Variants in AGTR1 observed in about 807,000 individuals in gnomAD.
AGTR1 encodes the protein type-1 angiotensin II receptor.
Under a neutral mutation model 19.4 loss-of-function variants are expected in AGTR1, and 16 were observed. The ratio of observed to expected loss-of-function variants is 0.82; its 90% CI spans 0.56 to 1.25. The LOEUF (loss-of-function observed/expected upper bound fraction) is 1.25. Among genes scored for constraint, AGTR1 ranks in the 50% most tolerant of loss-of-function variants. The pLI is 0.00. For missense variants in AGTR1, 373 were observed against 431.9 expected (o/e 0.86, Z 1.21); for synonymous variants, 153 against 154.9 (o/e 0.99, Z 0.09).
chr3:148,709,123 T>C (rs1249889614), intron 2 of AGTR1, among the ~76,000 whole-genome samples: 1 of 151,960 alleles, frequency 6.6e-6, no homozygotes, highest in Non-Finnish European at 1.5e-5. Flanking sequence ...AGGTTTTTTT[T>C]CTGATTTTGT....
intron 2 of AGTR1, among the ~76,000 whole-genome samples, chr3:148,727,069 T>C (rs980125259): frequency 3.2e-4 from 48 of 152,336 alleles, no homozygotes; most frequent in African/African-American, 1.1e-3. Context: ...CAAAGCTTTT[T>C]CCCAGAATTG....
At chr3:148,722,585 C>T (rs1407321146) in intron 2 of AGTR1, among the ~76,000 whole-genome samples, 1 of 152,118 alleles carries the variant, frequency 6.6e-6, no homozygotes, top group African/African-American at 2.4e-5. Flanking sequence ...TTTCTCATCT[C>T]ACTCTGGTCC....
At chr3:148,712,843 C>T (rs1003297779) in intron 2 of AGTR1, among the ~76,000 whole-genome samples, 3 of 152,078 alleles carry the variant, frequency 2.0e-5, no homozygotes, top group Non-Finnish European at 2.9e-5. Context: ...CTTCCTTTCA[C>T]TTACAGAATG....
intron 1 of AGTR1, among the ~76,000 whole-genome samples, chr3:148,706,111 G>C (rs1712653583): frequency 2.6e-5 from 4 of 151,468 alleles, no homozygotes; most frequent in Admixed American, 2.6e-4. Flanking sequence ...ATTTGTCTTG[G>C]AATTTCTATT....
intron 2 of AGTR1, among the ~76,000 whole-genome samples, chr3:148,725,904 A>T (rs554113038): frequency 1.3e-5 from 2 of 152,306 alleles, no homozygotes; most frequent in Non-Finnish European, 2.9e-5. Context: ...CTAGGTGCTG[A>T]ATATATATCT....
At chr3:148,725,730 G>A (rs6766005) in intron 2 of AGTR1, among the ~76,000 whole-genome samples, 4 of 152,144 alleles carry the variant, frequency 2.6e-5, no homozygotes, top group East Asian at 1.9e-4. Context: ...TGATCCACCC[G>A]CCTCAGCCTC....
chr3:148,732,940 C>A (rs1714364828), intron 2 of AGTR1, among the ~76,000 whole-genome samples: 1 of 151,290 alleles, frequency 6.6e-6, no homozygotes, highest in Admixed American at 6.6e-5. Flanking sequence ...CGGGGTTTCA[C>A]CGTTTTAGCC....
intron 2 of AGTR1, among the ~76,000 whole-genome samples, chr3:148,720,704 A>AT (rs1439842744): frequency 2.3e-5 from 3 of 132,404 alleles, no homozygotes; most frequent in African/African-American, 7.6e-5. Flanking sequence ...GGATTTTATT[A>AT]TTTTTTTACT....
intron 2 of AGTR1, among the ~76,000 whole-genome samples, chr3:148,708,467 T>C (rs983670083): frequency 6.6e-6 from 1 of 152,146 alleles, no homozygotes; most frequent in Non-Finnish European, 1.5e-5. Flanking sequence ...ACCATAAACC[T>C]TAACAGTTGA....
intron 2 of AGTR1, among the ~76,000 whole-genome samples, chr3:148,729,409 C>T (rs898749115): frequency 1.3e-5 from 2 of 152,172 alleles, no homozygotes; most frequent in African/African-American, 4.8e-5. Context: ...GAGGAACAAA[C>T]AACCAGAAGG....
rs1317347021 is a variant in AGTR1 at position 148,742,740 on chromosome 3, A to G, written c.*625A>G. On this transcript the variant is annotated 3_prime_UTR_variant, in exon 3 of 3. Transcript: ENST00000349243. The stretch of plus-strand genomic sequence containing the variant: ...TGTATAATGGTGTTACTAAAGTCAC[A>G]TATAAAAGTTAAACTACTTGTAAAG... The G allele has an allele frequency of 5.7e-6, 1 of 174,222 alleles. No homozygotes were observed. Among genetic ancestry groups the G allele is most frequent in the Non-Finnish European group, 1.4e-5 (1 of 72,630 alleles). 10.8% of individuals were successfully genotyped at this position (174,222 alleles called of 1,614,324 possible). A position where few individuals can be genotyped will look rare whatever the true frequency, so the allele number is the denominator to read the frequency against.
intron 2 of AGTR1, among the ~76,000 whole-genome samples, chr3:148,717,735 G>T (rs1196171900): frequency 6.6e-6 from 1 of 152,170 alleles, no homozygotes; most frequent in Non-Finnish European, 1.5e-5. Flanking sequence ...CGGCAGAAAT[G>T]TAACAGGAAA....
At chr3:148,724,315 G>A (rs970833706) in intron 2 of AGTR1, among the ~76,000 whole-genome samples, 4 of 151,948 alleles carry the variant, frequency 2.6e-5, no homozygotes, top group African/African-American at 9.7e-5. Flanking sequence ...ATAATGTCTA[G>A]GGACCATAAC....
At chr3:148,719,494 C>T (rs1713491203) in intron 2 of AGTR1, among the ~76,000 whole-genome samples, 2 of 152,202 alleles carry the variant, frequency 1.3e-5, no homozygotes, top group Admixed American at 6.5e-5. Context: ...TTTTTGTACA[C>T]AGTTTTGCCT....
Position 148,741,370 on chromosome 3 carries a change from T to G in AGTR1, c.335T>G (p.Leu112Arg), listed in dbSNP as rs201151143. 26 of 1,603,902 alleles carry G rather than the reference T, an allele frequency of 1.6e-5. No homozygotes were observed. The highest frequency in any genetic ancestry group is 2.7e-5 in the African/African-American group (2 of 74,922). ...KIASASVSFNLYASVFLLTCL... is the reference protein window; with the variant it reads ...KIASASVSFNRYASVFLLTCL... The stretch of plus-strand genomic sequence containing the variant: ...GCTTCAGCCAGCGTCAGTTTCAACC[T>G]GTACGCTAGTGTGTTTCTACTCACG... Residue 112 changes from leucine to arginine, a missense_variant, in exon 3 of 3, where the codon CTG (leucine) becomes CGG (arginine). Coordinates refer to ENST00000349243, the MANE Select transcript of AGTR1 (RefSeq NM_000685.5).
chr3:148,734,841 C>T (rs3772614), intron 2 of AGTR1, among the ~76,000 whole-genome samples: 7,299 of 152,258 alleles, frequency 0.048, 186 homozygotes, highest in African/African-American at 0.061. Context: ...AAGGCTCAAA[C>T]GCTTCATCAA....
intron 2 of AGTR1, among the ~76,000 whole-genome samples, chr3:148,717,595 A>G (rs150123863): frequency 2.8e-4 from 42 of 152,340 alleles, no homozygotes; most frequent in Non-Finnish European, 5.3e-4. Context: ...TACAAGTATA[A>G]GCTAACACCA....
chr3:148,738,864 G>A (rs1296304186), intron 2 of AGTR1, among the ~76,000 whole-genome samples: 1 of 152,218 alleles, frequency 6.6e-6, no homozygotes, highest in Non-Finnish European at 1.5e-5. Flanking sequence ...ATTCATGGCT[G>A]TAAGTTCTAT....
At chr3:148,725,903 G>T (rs534254628) in intron 2 of AGTR1, among the ~76,000 whole-genome samples, 2 of 152,202 alleles carry the variant, frequency 1.3e-5, no homozygotes, top group Non-Finnish European at 2.9e-5. Context: ...TCTAGGTGCT[G>T]AATATATATC....
Sources: gnomAD v4.1 joint callset for allele counts (sites outside exome capture counted in the v4.1 genomes callset) on GRCh38, gnomAD v4.1.1 for gene constraint, MANE v1.5 for transcripts, NCBI Gene and HGNC (gene_info 2026-07-23, HGNC 2026-07-21) for gene names.